Variants in GCG observed in about 807,000 individuals in gnomAD.
The protein encoded by GCG is pro-glucagon.
Under a neutral mutation model 22.8 loss-of-function variants are expected in GCG, and 11 were observed. That is an observed-to-expected ratio of 0.48 (90% CI 0.30 to 0.80). The LOEUF (loss-of-function observed/expected upper bound fraction) is 0.80. GCG is among the 30% of genes least tolerant of loss of function. GCG has a pLI of 0.06. For missense variants in GCG, 222 were observed against 222.0 expected (o/e 1.00, Z 0.00); for synonymous variants, 89 against 72.4 (o/e 1.23, Z -1.16).
chr2:162,145,678 C>T lies in GCG; in HGVS notation c.255-1G>A. On this transcript the variant is annotated splice_acceptor_variant, in intron 3 of 5. Transcript: ENST00000418842. LOFTEE classifies it high-confidence loss of function. ...ATCGTGACGTTTGGCAATGTTATTC[C>T]TGAAAGAAATGTGAAAGTTAAATTG... 6.2e-7 allele frequency: 1 copy of T among 1,607,654 alleles called. No homozygotes were observed. The highest frequency in any genetic ancestry group is 8.5e-7 in the Non-Finnish European group (1 of 1,176,960).
chr2:162,148,414 T>C (rs1421853385), intron 2 of GCG, among the ~76,000 whole-genome samples: 1 of 152,100 alleles, frequency 6.6e-6, no homozygotes, highest in Non-Finnish European at 1.5e-5. Context: ...CCCAAATAAG[T>C]AGCTAAACAA....
At chr2:162,150,984 ATTTG>A (rs1393618660) in intron 1 of GCG, among the ~76,000 whole-genome samples, 1 of 151,834 alleles carries the variant, frequency 6.6e-6, no homozygotes, top group Non-Finnish European at 1.5e-5. Flanking sequence ...AATCTCACTT[ATTTG>A]TTTGTGAAAG....
chr2:162,144,182 A>C lies in GCG; in HGVS notation c.393-12T>G, dbSNP rs781016147. ...CCTCTTCTGGGAAACTAAGAAAATA[A>C]GTGTTAAAATTAGCGTTTGATTAGA... On this transcript the variant is annotated splice_polypyrimidine_tract_variant and intron_variant, in intron 4 of 5. Transcript: ENST00000418842. 6.2e-7 allele frequency: 1 copy of C among 1,603,980 alleles called. No homozygotes were observed.
intron 2 of GCG, among the ~76,000 whole-genome samples, chr2:162,148,617 G>C (rs905150824): frequency 6.6e-6 from 1 of 151,962 alleles, no homozygotes; most frequent in African/African-American, 2.4e-5. Flanking sequence ...CACCAAATTT[G>C]TTTACTTTGA....
At position 162,149,157 on chromosome 2, in the gene GCG, C is replaced by G. The variant is rs988313278; in HGVS notation, c.22G>C (p.Ala8Pro). The stretch of plus-strand genomic sequence containing the variant: ...TGTACCAGCATTACAAATAATCCAG[C>G]CACAAAGTAAATGCTTTTCATTTCT... Reference protein sequence around the residue: MKSIYFVAGLFVMLVQGS... With the variant: MKSIYFVPGLFVMLVQGS... The change falls in exon 2 of 6, where the codon GCT (alanine) becomes CCT (proline). Residue 8 changes from alanine (A) to proline (P), a missense_variant. Physicochemically the swap from Ala to Pro is conservative, Grantham distance 27. Transcript: ENST00000418842. 1 of 1,611,604 alleles carries G rather than the reference C, an allele frequency of 6.2e-7. No individual in the cohort carries two copies. The highest frequency in any genetic ancestry group is 1.3e-5 in the African/African-American group (1 of 74,648).
intron 5 of GCG, 53 bp downstream of exon 5, chr2:162,143,974 A>G (rs1686618192): frequency 6.7e-7 from 1 of 1,503,756 alleles, no homozygotes; most frequent in Non-Finnish European, 9.2e-7. Flanking sequence ...CAGTATGACA[A>G]TCAGTACTTA....
intron 3 of GCG, among the ~76,000 whole-genome samples, chr2:162,146,556 C>T (rs1353484978): frequency 6.6e-6 from 1 of 150,686 alleles, no homozygotes; most frequent in African/African-American, 2.5e-5. Context: ...CTCTCTCTCT[C>T]TCTCTCTCTC....
At chr2:162,147,739 AACTG>A (rs1399567758) in intron 2 of GCG, 2 of 565,496 alleles carry the variant, frequency 3.5e-6, no homozygotes, top group East Asian at 6.5e-5. Flanking sequence ...CATGTTTCTC[AACTG>A]ACTTCTTTTT....
intron 1 of GCG, among the ~76,000 whole-genome samples, chr2:162,149,534 A>G (rs967736343): frequency 1.1e-4 from 17 of 152,142 alleles, no homozygotes; most frequent in African/African-American, 4.1e-4. Context: ...ATGATATGCT[A>G]CATATGGTTA....
intron 1 of GCG, among the ~76,000 whole-genome samples, chr2:162,150,363 A>G (rs1303456056): frequency 6.6e-6 from 1 of 152,198 alleles, no homozygotes; most frequent in Non-Finnish European, 1.5e-5. Context: ...TTTTTAAACT[A>G]TCAATCTTTT....
At chr2:162,149,785 G>C (rs1317019660) in intron 1 of GCG, among the ~76,000 whole-genome samples, 2 of 152,126 alleles carry the variant, frequency 1.3e-5, no homozygotes, top group Non-Finnish European at 2.9e-5. Context: ...AGGTATTTTA[G>C]GGTGCTTTGA....
intron 5 of GCG, 178 bp downstream of exon 5, chr2:162,143,849 G>A (rs762415218): frequency 8.4e-5 from 53 of 632,882 alleles, no homozygotes; most frequent in Non-Finnish European, 1.4e-4. Flanking sequence ...GATACAAACT[G>A]TAATGATACA....
chr2:162,150,386 A>G lies in GCG; in HGVS notation c.-9-1199T>C, dbSNP rs577537385. On this transcript the variant is annotated intron_variant, in intron 1 of 5. Transcript: ENST00000418842. ...CTATCAATCTTTTCCTTAATATATTAGCTGTATTTACTATCTCTGGCACTA... is the reference window on the plus strand; with the variant it reads ...CTATCAATCTTTTCCTTAATATATTGGCTGTATTTACTATCTCTGGCACTA... 2.6e-5 allele frequency among the ~76,000 whole-genome samples: 4 copies of G among 152,302 alleles called. No homozygotes were observed. The South Asian group carries it at 8.3e-4, about 32-fold the overall frequency.
At chr2:162,149,300 G>T (rs1180865795) in intron 1 of GCG, 113 bp from the exon 2 acceptor site, 2 of 637,608 alleles carry the variant, frequency 3.1e-6, no homozygotes, top group African/African-American at 1.8e-5. Flanking sequence ...GAAGGAAAAA[G>T]CTAGTGTTAT....
intron 3 of GCG, among the ~76,000 whole-genome samples, chr2:162,146,241 G>A (rs1686681532): frequency 6.6e-6 from 1 of 152,144 alleles, no homozygotes; most frequent in African/African-American, 2.4e-5. Context: ...GCTGCTGTCA[G>A]TCTCCCTGGC....
At position 162,147,348 on chromosome 2, in the gene GCG, C is replaced by T. The variant is rs5649; in HGVS notation, c.254+5G>A. ...GCAAGTTTTGAGCCAGGCTTAGACT[C>T]TTACCTGTTCCTCTTGGTATTCATC... On this transcript the variant is annotated splice_donor_5th_base_variant and intron_variant, in intron 3 of 5. Coordinates refer to ENST00000418842, the MANE Select transcript of GCG (RefSeq NM_002054.5). 5.9e-3 allele frequency: 9,426 copies of T among 1,610,428 alleles called. 60 individuals are homozygous for T. Among genetic ancestry groups the T allele is most frequent in the East Asian group, 0.023 (1,020 of 44,798 alleles).
At chr2:162,151,305 T>C (rs1231346871) in intron 1 of GCG, among the ~76,000 whole-genome samples, 1 of 152,178 alleles carries the variant, frequency 6.6e-6, no homozygotes, top group African/African-American at 2.4e-5. Flanking sequence ...TTGTAGTCCA[T>C]ATAAATCCTT....
In GCG at chr2:162,147,493, T is replaced by G. The variant is rs1686719961; in HGVS notation, c.114A>C (p.Ala38=). ...EKSRSFSASQ[A]DPLSDPDQMN... ...TCTGATCAGGATCACTGAGTGGGTC[T>G]GCCTGGGAAGCTGAGAATGATCTGT... is the stretch of plus-strand genomic sequence containing the variant. Residue 38 remains alanine (A), a synonymous_variant, in exon 3 of 6, where the codon GCA becomes GCC. Coordinates refer to ENST00000418842, the MANE Select transcript of GCG (RefSeq NM_002054.5). 1 of 1,613,206 alleles carries G rather than the reference T, an allele frequency of 6.2e-7. No individual in the cohort carries two copies. The highest frequency in any genetic ancestry group is 1.3e-5 in the African/African-American group (1 of 74,962).
At chr2:162,144,557 A>G (rs1186733762) in intron 4 of GCG, 1 of 161,700 alleles carries the variant, frequency 6.2e-6, no homozygotes, top group Admixed American at 6.0e-5. Flanking sequence ...AAGAGGTTAA[A>G]GCTTCATCTA....
Sources: gnomAD v4.1 joint callset for allele counts (sites outside exome capture counted in the v4.1 genomes callset) on GRCh38, gnomAD v4.1.1 for gene constraint, MANE v1.5 for transcripts, NCBI Gene and HGNC (gene_info 2026-07-23, HGNC 2026-07-21) for gene names.